Variants in FBXW8 observed in about 807,000 individuals in gnomAD.
The protein encoded by FBXW8 is F-box and WD repeat domain containing 8, also known as F-box/WD repeat-containing protein 8.
Under a neutral mutation model 65.3 loss-of-function variants are expected in FBXW8, and 57 were observed. The observed-to-expected ratio is 0.87, with a 90% CI of 0.71 to 1.09. The LOEUF (loss-of-function observed/expected upper bound fraction) is 1.09. FBXW8 is among the 50% of genes least tolerant of loss of function. The probability of loss-of-function intolerance (pLI) is 0.00; values close to 1 mark genes in which losing one functional copy is unlikely to be tolerated. For missense variants in FBXW8, 777 were observed against 814.8 expected (o/e 0.95, Z 0.57); for synonymous variants, 308 against 330.2 (o/e 0.93, Z 0.73).
intron 9 of FBXW8, among the ~76,000 whole-genome samples, chr12:117,024,585 C>G (rs1239430525): frequency 1.3e-5 from 2 of 152,200 alleles, no homozygotes; most frequent in African/African-American, 2.4e-5. Context: ...TTAGCCAGGC[C>G]CAGCTTTCTC....
intron 4 of FBXW8, among the ~76,000 whole-genome samples, chr12:116,953,061 AGTGGTAT>A (rs1383884166): frequency 6.6e-6 from 1 of 152,090 alleles, no homozygotes; most frequent in Non-Finnish European, 1.5e-5. Flanking sequence ...TAAAACCATG[AGTGGTAT>A]GTAATATTTT....
chr12:116,919,837 G>T (rs533056392), intron 1 of FBXW8, among the ~76,000 whole-genome samples: 10 of 152,278 alleles, frequency 6.6e-5, no homozygotes, highest in Admixed American at 3.9e-4. Context: ...AATACTGCTG[G>T]CCAATATTTA....
chr12:117,024,264 C>A lies in FBXW8; in HGVS notation c.1485C>A (p.Gly495=). The A allele has an allele frequency of 2.5e-6, 4 of 1,614,140 alleles. No individual in the cohort carries two copies. The highest frequency in any genetic ancestry group is 3.4e-6 in the Non-Finnish European group (4 of 1,180,026). The change falls in exon 9 of 11, where the codon GGC becomes GGA. Residue 495 remains glycine, a synonymous_variant. Transcript: ENST00000652555. The stretch of plus-strand genomic sequence containing the variant: ...AGATCGTCAGTGGAGGCGAGGAAGG[C>A]CTGGTGTCCGTGTGGGATTATCGGA... ...DWKIVSGGEE[G]LVSVWDYRMN...
At chr12:117,000,714 T>C (rs1953494699) in intron 7 of FBXW8, among the ~76,000 whole-genome samples, 1 of 152,218 alleles carries the variant, frequency 6.6e-6, no homozygotes, top group Non-Finnish European at 1.5e-5. Context: ...TTTGAGCTCC[T>C]TAGGGCCCCA....
At chr12:117,001,495 A>ATACT (rs1953518906) in intron 7 of FBXW8, among the ~76,000 whole-genome samples, 1 of 152,228 alleles carries the variant, frequency 6.6e-6, no homozygotes, top group East Asian at 1.9e-4. Flanking sequence ...CGGCATACAG[A>ATACT]TACTTGTACA....
At chr12:117,008,803 T>C (rs757455216) in intron 7 of FBXW8, among the ~76,000 whole-genome samples, 4 of 152,230 alleles carry the variant, frequency 2.6e-5, no homozygotes, top group Non-Finnish European at 5.9e-5. Flanking sequence ...ATACTACTAT[T>C]AAAACCTTTG....
At chr12:117,027,177 C>A (rs544556064) in intron 9 of FBXW8, among the ~76,000 whole-genome samples, 13 of 152,308 alleles carry the variant, frequency 8.5e-5, no homozygotes, top group African/African-American at 3.1e-4. Context: ...GGCATGCAGA[C>A]CTGTTTACAA....
intron 9 of FBXW8, among the ~76,000 whole-genome samples, chr12:117,026,697 A>G (rs1160505311): frequency 6.6e-6 from 1 of 152,138 alleles, no homozygotes; most frequent in East Asian, 1.9e-4. Context: ...CTACAGAAAC[A>G]ATGGTCATGT....
rs141379149 is a variant in FBXW8, at chr12:117,011,670, G to C, written c.1367+1220G>C. Among the ~76,000 whole-genome samples, 47 of 152,212 alleles carry C rather than the reference G, an allele frequency of 3.1e-4. 1 individual carries two copies. The South Asian group carries it at 3.5e-3, about 11-fold the overall frequency. On this transcript the variant is annotated intron_variant, in intron 8 of 10. Transcript: ENST00000652555. ...CAGAGGCTCCAAGCTCCTCTCCTAGGATCTCCACACAGGGACCTGGCAGCT... is the reference window on the plus strand; with the variant it reads ...CAGAGGCTCCAAGCTCCTCTCCTAGCATCTCCACACAGGGACCTGGCAGCT...
At chr12:116,989,948 T>A (rs1953194398) in intron 7 of FBXW8, among the ~76,000 whole-genome samples, 1 of 152,248 alleles carries the variant, frequency 6.6e-6, no homozygotes, top group Non-Finnish European at 1.5e-5. Context: ...GCCTGGCACA[T>A]GAGAGCTCCC....
At chr12:116,968,904 C>G (rs1884485296) in intron 5 of FBXW8, among the ~76,000 whole-genome samples, 1 of 151,990 alleles carries the variant, frequency 6.6e-6, no homozygotes, top group South Asian at 2.1e-4. Flanking sequence ...TTTATCTTGA[C>G]AAGTTCGTCT....
chr12:116,948,702 C>G (rs1455562689), intron 3 of FBXW8: 1 of 152,178 alleles, frequency 6.6e-6, no homozygotes, highest in African/African-American at 2.4e-5. Context: ...TTCCCAACCT[C>G]CCACATGTAA....
rs1427008974 is a variant in FBXW8, at chr12:116,949,629, T to TG, written c.601dup (p.Ala201GlyfsTer10). 1.9e-6 allele frequency: 3 copies of TG among 1,614,086 alleles called. No homozygotes were observed. The highest frequency in any genetic ancestry group is 1.3e-5 in the African/African-American group (1 of 74,922). ...TTTTCCTCACGCAGAATCGCAAAGG[T>TG]GCCGTGAGCGAGCTGGAGCATGTTC... is the stretch of plus-strand genomic sequence containing the variant. On this transcript the variant is annotated frameshift_variant, in exon 4 of 11. Coordinates refer to ENST00000652555, the MANE Select transcript of FBXW8 (RefSeq NM_153348.3). LOFTEE classifies it high-confidence loss of function.
At chr12:116,964,644 A>G (rs1884199219) in intron 4 of FBXW8, 53 bp from the exon 5 acceptor site, 2 of 1,606,494 alleles carry the variant, frequency 1.2e-6, no homozygotes, top group African/African-American at 2.7e-5. Flanking sequence ...TTTCCCCACC[A>G]TAGCCCTGCT....
rs908822580 is a variant in FBXW8 at position 116,961,460 on chromosome 12, G to A, written c.678-3237G>A. On this transcript the variant is annotated intron_variant, in intron 4 of 10. Transcript: ENST00000652555. This position sits in a 1 kb window ranked among gnomAD's most constrained non-coding sequence, Gnocchi z 4.4. ...TGGGATCCTCTCTGGAAGCCGGCCCGTGTGAAGGGAGAGTAGAAAATGAGG... is the reference window on the plus strand; with the variant it reads ...TGGGATCCTCTCTGGAAGCCGGCCCATGTGAAGGGAGAGTAGAAAATGAGG... Among the ~76,000 whole-genome samples the A allele has an allele frequency of 1.1e-4, 16 of 152,176 alleles. No individual in the cohort carries two copies. The highest frequency in any genetic ancestry group is 2.9e-4 in the African/African-American group (12 of 41,448).
intron 8 of FBXW8, among the ~76,000 whole-genome samples, chr12:117,014,105 C>A (rs1366957643): frequency 1.3e-5 from 2 of 152,192 alleles, no homozygotes; most frequent in Non-Finnish European, 2.9e-5. Context: ...CACCAAAGCT[C>A]TGTTCATGTT....
chr12:116,940,646 C>T (rs1235084561), intron 2 of FBXW8, among the ~76,000 whole-genome samples: 1 of 151,990 alleles, frequency 6.6e-6, no homozygotes, highest in Non-Finnish European at 1.5e-5. Context: ...CTTTTGTCTG[C>T]AGGGTGGCGA....
chr12:116,911,806 A>T (rs1879968138), intron 1 of FBXW8, among the ~76,000 whole-genome samples: 1 of 152,176 alleles, frequency 6.6e-6, no homozygotes, highest in Non-Finnish European at 1.5e-5. Flanking sequence ...GATGGATAGG[A>T]AGTAATTTTA....
chr12:117,003,790 C>T (rs1241363584), intron 7 of FBXW8, among the ~76,000 whole-genome samples: 1 of 152,206 alleles, frequency 6.6e-6, no homozygotes, highest in Non-Finnish European at 1.5e-5. Context: ...ACACTACTGA[C>T]GAGTTGGCTG....
Sources: allele counts gnomAD v4.1 joint callset (sites outside exome capture counted in the v4.1 genomes callset), GRCh38; gene constraint gnomAD v4.1.1; non-coding constraint Gnocchi (gnomAD v3.1); transcripts MANE v1.5; gene names NCBI Gene and HGNC (gene_info 2026-07-23, HGNC 2026-07-21).